Variants in NAALADL2 observed in about 807,000 individuals in gnomAD.
NAALADL2 encodes inactive N-acetylated-alpha-linked acidic dipeptidase-like protein 2.
In NAALADL2, 76 loss-of-function variants were observed where a neutral mutation model predicts 87.2. The observed-to-expected ratio is 0.87, with a 90% CI of 0.72 to 1.05. The LOEUF (loss-of-function observed/expected upper bound fraction) is 1.05, where lower values mean the gene tolerates loss of function less well. Among genes scored for constraint, NAALADL2 ranks in the 50% least tolerant of loss-of-function variants. The pLI is 0.00. For synonymous variants in NAALADL2, 354 were observed against 331.0 expected (o/e 1.07, Z -0.75); for missense variants, 1,089 against 945.8 (o/e 1.15, Z -1.99).
At chr3:175,013,297 A>ATTTTTTT (rs1293274493) in intron 1 of NAALADL2, among the ~76,000 whole-genome samples, 10 of 77,554 alleles carry the variant, frequency 1.3e-4, no homozygotes, top group Middle Eastern at 9.4e-3. Flanking sequence ...ATATATATAT[A>ATTTTTTT]TATATTTTTT....
intron 3 of NAALADL2, among the ~76,000 whole-genome samples, chr3:174,808,504 T>C (rs1719767153): frequency 6.6e-6 from 1 of 152,146 alleles, no homozygotes. Flanking sequence ...ATTGAATATA[T>C]ATTGCATCAT....
At chr3:175,319,034 C>A (rs1560349994) in intron 4 of NAALADL2, among the ~76,000 whole-genome samples, 1 of 152,134 alleles carries the variant, frequency 6.6e-6, no homozygotes, top group Non-Finnish European at 1.5e-5. Flanking sequence ...ATTGATTATT[C>A]TTTTTAAGAA....
chr3:175,575,966 T>C, intron 9 of NAALADL2, 75 bp from the exon 10 acceptor site: 8 of 1,234,150 alleles, frequency 6.5e-6, no homozygotes, highest in Non-Finnish European at 9.0e-6. Flanking sequence ...CTGTGGACCA[T>C]GTTTTGAGTA....
chr3:175,175,070 G>A (rs1735515728), intron 2 of NAALADL2, among the ~76,000 whole-genome samples: 1 of 151,890 alleles, frequency 6.6e-6, no homozygotes, highest in Admixed American at 6.6e-5. Context: ...CATAAGTAGA[G>A]ATTATAGAAA....
chr3:175,161,268 A>G (rs1347798968), intron 2 of NAALADL2, among the ~76,000 whole-genome samples: 1 of 152,114 alleles, frequency 6.6e-6, no homozygotes, highest in Non-Finnish European at 1.5e-5. Flanking sequence ...AACAACAAAC[A>G]TTTACTGGAC....
intron 9 of NAALADL2, among the ~76,000 whole-genome samples, chr3:175,558,194 C>CAAAAAAA (rs71164638): frequency 9.7e-5 from 8 of 82,418 alleles, no homozygotes; most frequent in African/African-American, 3.7e-4. Flanking sequence ...GACCCCGTCT[C>CAAAAAAA]AAAAAAAAAA....
At position 175,806,489 on chromosome 3, in the gene NAALADL2, C is replaced by T. The variant is rs189497257; in HGVS notation, c.*3286C>T. ...TTCCAATCTACGTTAATCGTAGTTT[C>T]CAAGAAAACACTAATTGACATTTCT... is the stretch of plus-strand genomic sequence containing the variant. On this transcript the variant is annotated 3_prime_UTR_variant, in exon 14 of 14. Transcript: ENST00000454872. The T allele has an allele frequency of 4.5e-4, 69 of 151,856 alleles. No individual in the cohort carries two copies. The highest frequency in any genetic ancestry group is 1.6e-3 in the African/African-American group (68 of 41,480). The allele number at this position is 151,856 out of a possible 1,614,324, so 9.4% of individuals were successfully genotyped here.
intron 1 of NAALADL2, among the ~76,000 whole-genome samples, chr3:174,513,113 C>G (rs1470827998): frequency 6.6e-6 from 1 of 152,010 alleles, no homozygotes; most frequent in Non-Finnish European, 1.5e-5. Context: ...AAGCGTGTGC[C>G]ACCACGCCTG....
intron 3 of NAALADL2, among the ~76,000 whole-genome samples, chr3:174,822,657 T>C (rs978049882): frequency 3.9e-5 from 6 of 152,254 alleles, no homozygotes; most frequent in South Asian, 2.1e-4. Context: ...TATATAGATA[T>C]ATCACCTATG....
chr3:174,534,506 C>A (rs1056219869), intron 1 of NAALADL2, among the ~76,000 whole-genome samples: 2 of 152,176 alleles, frequency 1.3e-5, no homozygotes, highest in African/African-American at 4.8e-5. Flanking sequence ...TTGGCTTTGG[C>A]CTTAGACTAA....
At chr3:175,024,976 A>G (rs1021860305) in intron 1 of NAALADL2, among the ~76,000 whole-genome samples, 15 of 152,124 alleles carry the variant, frequency 9.9e-5, no homozygotes, top group African/African-American at 3.4e-4. Flanking sequence ...GGTGAGAGAA[A>G]ATGAGGATGT....
chr3:174,999,742 T>C (rs1415409219), intron 1 of NAALADL2, among the ~76,000 whole-genome samples: 1 of 152,246 alleles, frequency 6.6e-6, no homozygotes, highest in Non-Finnish European at 1.5e-5. Context: ...TAACTGAGAC[T>C]GTTCAAACTT....
At chr3:175,167,237 G>A (rs1182437708) in intron 2 of NAALADL2, among the ~76,000 whole-genome samples, 4 of 152,006 alleles carry the variant, frequency 2.6e-5, no homozygotes, top group East Asian at 1.9e-4. Flanking sequence ...AATAATAAGC[G>A]TGAGGGTGTT....
At chr3:175,766,731 T>G (rs1362543012) in intron 13 of NAALADL2, among the ~76,000 whole-genome samples, 2 of 152,198 alleles carry the variant, frequency 1.3e-5, no homozygotes, top group Non-Finnish European at 2.9e-5. Flanking sequence ...TGCTGAGTAT[T>G]TTCTTTGTAC....
intron 1 of NAALADL2, among the ~76,000 whole-genome samples, chr3:175,067,109 A>T (rs1040257136): frequency 1.3e-5 from 2 of 152,146 alleles, no homozygotes; most frequent in Admixed American, 6.6e-5. Flanking sequence ...TCTCTTAAAG[A>T]TTTAAATGTA....
intron 9 of NAALADL2, among the ~76,000 whole-genome samples, chr3:175,505,810 A>C (rs1227745895): frequency 6.6e-6 from 1 of 152,260 alleles, no homozygotes; most frequent in Non-Finnish European, 1.5e-5. Context: ...AGTAAGAACT[A>C]TAAGAGGTGT....
chr3:174,445,072 A>C (rs1312629572), intron 1 of NAALADL2, among the ~76,000 whole-genome samples: 1 of 151,616 alleles, frequency 6.6e-6, no homozygotes, highest in Non-Finnish European at 1.5e-5. Context: ...ACTATAAAAC[A>C]GGGTTCTGCG....
chr3:175,591,784 G>GTATATATATATA (rs57196350), intron 10 of NAALADL2, among the ~76,000 whole-genome samples: 2 of 137,094 alleles, frequency 1.5e-5, no homozygotes, highest in South Asian at 2.2e-4. Context: ...GTGTGTGTGT[G>GTATATATATATA]TATATATATA....
At chr3:174,939,622 C>G (rs900473761) in intron 1 of NAALADL2, among the ~76,000 whole-genome samples, 1 of 151,792 alleles carries the variant, frequency 6.6e-6, no homozygotes, top group Admixed American at 6.6e-5. Flanking sequence ...TAATAATAGT[C>G]ATTCTTCCTA....
Sources: allele counts gnomAD v4.1 joint callset (sites outside exome capture counted in the v4.1 genomes callset), GRCh38; gene constraint gnomAD v4.1.1; transcripts MANE v1.5; gene names NCBI Gene and HGNC (gene_info 2026-07-23, HGNC 2026-07-21).